The following SPP2 variants were observed in gnomAD, a reference collection of about 807,000 sequenced individuals.
SPP2 encodes the protein secreted phosphoprotein 2, also known as secreted phosphoprotein 24.
Under a neutral mutation model 28.8 loss-of-function variants are expected in SPP2, and 34 were observed. The ratio of observed to expected loss-of-function variants is 1.18; its 90% CI spans 0.90 to 1.57. The LOEUF (loss-of-function observed/expected upper bound fraction) is 1.57. Ranked by LOEUF, SPP2 falls within the 40% of genes most tolerant of loss-of-function variation. The pLI, the probability that SPP2 is intolerant of heterozygous loss-of-function variation, is 0.00. For synonymous variants in SPP2, 96 were observed against 89.4 expected, an observed-to-expected ratio of 1.07 and a Z score of -0.42; for missense variants, 269 against 263.9, an observed-to-expected ratio of 1.02 and a Z score of -0.13.
intron 5 of SPP2, among the ~76,000 whole-genome samples, 153 bp downstream of exon 5, chr2:234,066,740 C>T (rs1445691137): frequency 1.3e-5 from 2 of 152,142 alleles, no homozygotes; most frequent in South Asian, 2.1e-4. Context: ...TTTGCTTTTG[C>T]TTATTTTTTA....
intron 6 of SPP2, among the ~76,000 whole-genome samples, chr2:234,069,611 G>A (rs1022131935): frequency 1.3e-5 from 2 of 152,116 alleles, no homozygotes; most frequent in African/African-American, 4.8e-5. Context: ...CAAACACTGG[G>A]TAGATCCCTT....
intron 5 of SPP2, among the ~76,000 whole-genome samples, 189 bp downstream of exon 5, chr2:234,066,776 T>C (rs1277229833): frequency 6.6e-6 from 1 of 152,256 alleles, no homozygotes; most frequent in Non-Finnish European, 1.5e-5. Context: ...GATACAACTA[T>C]TCACTTAGAT....
chr2:234,071,656 G>A (rs1051130445), intron 7 of SPP2, among the ~76,000 whole-genome samples: 12 of 152,190 alleles, frequency 7.9e-5, no homozygotes, highest in African/African-American at 2.7e-4. Context: ...AACACTGCAT[G>A]CTTTCAGGAT....
chr2:234,055,025 A>G (rs189640210), intron 2 of SPP2, among the ~76,000 whole-genome samples: 98 of 152,280 alleles, frequency 6.4e-4, no homozygotes, highest in African/African-American at 2.2e-3. Flanking sequence ...TTGTCCATTA[A>G]TAAGGGATTC....
At chr2:234,067,013 T>C (rs1308853102) in intron 5 of SPP2, among the ~76,000 whole-genome samples, 3 of 152,252 alleles carry the variant, frequency 2.0e-5, no homozygotes, top group African/African-American at 7.2e-5. Flanking sequence ...TTCTTTCTTT[T>C]CTTGTGTGGC....
In SPP2 at chr2:234,052,254, G is replaced by A. The variant is rs77160038; in HGVS notation, c.210+1159G>A. ...CACACCAAAGGTTGAGCTGCTCCTG[G>A]ATCAGAATACAGAACCCCCTTTCCT... On this transcript the variant is annotated intron_variant, in intron 2 of 7. Transcript: ENST00000168148. Among the ~76,000 whole-genome samples the A allele has an allele frequency of 4.7e-3, 716 of 152,242 alleles. 2 individuals carry two copies. Among genetic ancestry groups the A allele is most frequent in the African/African-American group, 0.016 (663 of 41,540 alleles).
At chr2:234,063,002 G>A (rs982170585) in intron 4 of SPP2, among the ~76,000 whole-genome samples, 6 of 152,126 alleles carry the variant, frequency 3.9e-5, no homozygotes, top group Non-Finnish European at 7.4e-5. Context: ...ACATTTTTGA[G>A]CAAATTTATT....
chr2:234,062,559 A>AGT (rs140719685), intron 4 of SPP2, among the ~76,000 whole-genome samples: 6,616 of 152,108 alleles, frequency 0.043, 476 homozygotes, highest in African/African-American at 0.15. Flanking sequence ...AAGAGTTTTA[A>AGT]GTGTGTGTGT....
chr2:234,052,518 C>T (rs1003624990), intron 2 of SPP2, among the ~76,000 whole-genome samples: 1 of 152,176 alleles, frequency 6.6e-6, no homozygotes, highest in Non-Finnish European at 1.5e-5. Flanking sequence ...TGGAGATGAG[C>T]TATTGTGAGG....
chr2:234,053,349 T>C (rs1436804230), intron 2 of SPP2, among the ~76,000 whole-genome samples: 1 of 152,142 alleles, frequency 6.6e-6, no homozygotes, highest in African/African-American at 2.4e-5. Flanking sequence ...AGCAAATAAG[T>C]GGTTTAGTCA....
At chr2:234,065,549 G>A (rs868557729) in intron 4 of SPP2, among the ~76,000 whole-genome samples, 1 of 152,186 alleles carries the variant, frequency 6.6e-6, no homozygotes, top group Non-Finnish European at 1.5e-5. Context: ...AAAGTGCTGG[G>A]ATTACAGGCA....
chr2:234,062,501 G>A (rs1371874502), intron 4 of SPP2, among the ~76,000 whole-genome samples: 1 of 152,126 alleles, frequency 6.6e-6, no homozygotes, highest in Admixed American at 6.5e-5. Flanking sequence ...GACTTTGAGG[G>A]TCTTGTCGAG....
intron 7 of SPP2, among the ~76,000 whole-genome samples, chr2:234,074,481 G>A (rs777886397): frequency 3.9e-5 from 6 of 152,148 alleles, no homozygotes; most frequent in Non-Finnish European, 7.3e-5. Context: ...AAGAGAGCCA[G>A]ATGCCCCACG....
At chr2:234,059,206 A>G (rs184650405) in intron 3 of SPP2, among the ~76,000 whole-genome samples, 172 of 152,300 alleles carry the variant, frequency 1.1e-3, no homozygotes, top group Non-Finnish European at 2.1e-3. Context: ...CCTGCTTTTT[A>G]ACATGAGGAT....
At position 234,050,749 on chromosome 2, in the gene SPP2, A is replaced by G. The variant is rs1693472067; in HGVS notation, c.-38A>G. 1 of 1,589,022 alleles carries G rather than the reference A, an allele frequency of 6.3e-7. No homozygotes were observed. The highest frequency in any genetic ancestry group is 1.3e-5 in the African/African-American group (1 of 74,516). Reference sequence around the variant, plus strand: ...TCTTAGGAAGAACTGTCATCCCCAAACACATAGAGAGACACTCTCTGTCTC... The same window carrying G: ...TCTTAGGAAGAACTGTCATCCCCAAGCACATAGAGAGACACTCTCTGTCTC... On this transcript the variant is annotated 5_prime_UTR_variant, in exon 1 of 8. Transcript: ENST00000168148.
intron 2 of SPP2, among the ~76,000 whole-genome samples, chr2:234,052,637 T>C (rs554256227): frequency 9.6e-4 from 146 of 152,218 alleles, no homozygotes; most frequent in Non-Finnish European, 1.9e-3. Context: ...ATGCGATGTG[T>C]GTGACTCTTG....
At chr2:234,069,753 G>A (rs928977625) in intron 6 of SPP2, among the ~76,000 whole-genome samples, 175 bp from the exon 7 acceptor site, 12 of 152,104 alleles carry the variant, frequency 7.9e-5, no homozygotes, top group Non-Finnish European at 1.0e-4. Context: ...CGGGGGAGAA[G>A]GAGAGAGAAT....
At chr2:234,065,382 C>A (rs1693796819) in intron 4 of SPP2, among the ~76,000 whole-genome samples, 2 of 152,276 alleles carry the variant, frequency 1.3e-5, no homozygotes, top group Middle Eastern at 3.4e-3. Context: ...TGGGTTCAAG[C>A]AATTGTAGTG....
chr2:234,052,813 A>C (rs1693525125), intron 2 of SPP2, among the ~76,000 whole-genome samples: 1 of 152,144 alleles, frequency 6.6e-6, no homozygotes, highest in South Asian at 2.1e-4. Flanking sequence ...CTCCCACTGG[A>C]AGGGAGATTC....
Sources: gnomAD v4.1 joint callset for allele counts (sites outside exome capture counted in the v4.1 genomes callset) on GRCh38, gnomAD v4.1.1 for gene constraint, MANE v1.5 for transcripts, NCBI Gene and HGNC (gene_info 2026-07-23, HGNC 2026-07-21) for gene names.